Variants in SEC14L1 observed in about 807,000 individuals in gnomAD.
SEC14L1 encodes the protein SEC14 like lipid binding 1.
SEC14L1 carries 48 observed loss-of-function variants against 85.3 expected under a neutral mutation model. The observed-to-expected ratio is 0.56, with a 90% CI of 0.45 to 0.72. SEC14L1 has a LOEUF of 0.72. Ranked by LOEUF, SEC14L1 falls within the 30% of genes least tolerant of loss-of-function variation. The pLI, the probability that SEC14L1 is intolerant of heterozygous loss-of-function variation, is 0.00. For synonymous variants in SEC14L1, 391 were observed against 355.5 expected, an observed-to-expected ratio of 1.10 and a Z score of -1.12; for missense variants, 682 against 921.4, an observed-to-expected ratio of 0.74 and a Z score of 3.36.
intron 3 of SEC14L1, among the ~76,000 whole-genome samples, chr17:77,115,234 G>A (rs959150397): frequency 2.0e-5 from 3 of 152,124 alleles, no homozygotes; most frequent in African/African-American, 7.2e-5. Flanking sequence ...TTCAAGACCA[G>A]CCTAACCAAC....
At chr17:77,156,169 T>G (rs1598313484) in intron 3 of SEC14L1, among the ~76,000 whole-genome samples, 1 of 152,268 alleles carries the variant, frequency 6.6e-6, no homozygotes, top group South Asian at 2.1e-4. Context: ...CTCTGTGCAC[T>G]GGCAGCCGCT....
chr17:77,178,972 C>T lies in SEC14L1; in HGVS notation c.64-11831C>T, dbSNP rs148178394. Among the ~76,000 whole-genome samples, 101 of 152,288 alleles carry T rather than the reference C, an allele frequency of 6.6e-4. 1 individual carries two copies. Among genetic ancestry groups the T allele is most frequent in the African/African-American group, 2.2e-3 (93 of 41,534 alleles). On this transcript the variant is annotated intron_variant, in intron 3 of 16. Coordinates refer to ENST00000436233, the MANE Select transcript of SEC14L1 (RefSeq NM_001143998.2). ...CACAGGCTTAACACCCCAGGTGGCA[C>T]GGATACCTTGAAGAGCCATGCTGTT... is the stretch of plus-strand genomic sequence containing the variant.
chr17:77,190,597 T>C (rs1975478138), intron 3 of SEC14L1, among the ~76,000 whole-genome samples: 1 of 152,206 alleles, frequency 6.6e-6, no homozygotes, highest in East Asian at 1.9e-4. Flanking sequence ...ATGGGGAGAA[T>C]TGAGATCTTT....
chr17:77,213,898 C>G lies in SEC14L1; in HGVS notation c.2043-20C>G. 1 of 1,611,514 alleles carries G rather than the reference C, an allele frequency of 6.2e-7. No individual in the cohort carries two copies. The highest frequency in any genetic ancestry group is 8.5e-7 in the Non-Finnish European group (1 of 1,178,818). On this transcript the variant is annotated intron_variant, in intron 16 of 16. Transcript: ENST00000436233. This position sits in a 1 kb window ranked among gnomAD's most constrained non-coding sequence, Gnocchi z 7.1. ...TGGCAGGGTGGTCCTCACGCCTCGC[C>G]CCTCCCTGTGCCATTACAGAGGTTC...
chr17:77,168,610 A>G (rs771347769), intron 3 of SEC14L1, among the ~76,000 whole-genome samples: 22 of 152,298 alleles, frequency 1.4e-4, no homozygotes, highest in Middle Eastern at 3.4e-3. Context: ...ATATGGAGGT[A>G]AGGCCTTGTA....
chr17:77,089,281 G>C (rs531589223), intron 2 of SEC14L1: 1 of 435,470 alleles, frequency 2.3e-6, no homozygotes, highest in African/African-American at 2.1e-5. Context: ...GGTATGTCAA[G>C]CATGGTGACA....
chr17:77,136,202 TTTC>T (rs978852871), upstream of SEC14L1, among the ~76,000 whole-genome samples: 2 of 150,750 alleles, frequency 1.3e-5, no homozygotes, highest in Non-Finnish European at 2.9e-5. Flanking sequence ...TCTCTTTTGC[TTTC>T]TTTCTTTTTC....
chr17:77,118,536 T>C (rs1167119275), intron 3 of SEC14L1, among the ~76,000 whole-genome samples: 1 of 152,222 alleles, frequency 6.6e-6, no homozygotes, highest in Non-Finnish European at 1.5e-5. Context: ...CCAAGGGCAA[T>C]GGACATGCTT....
intron 3 of SEC14L1, among the ~76,000 whole-genome samples, chr17:77,153,079 AT>A (rs985928881): frequency 1.3e-5 from 2 of 151,428 alleles, no homozygotes; most frequent in Admixed American, 1.3e-4. Context: ...TATTATTATT[AT>A]TTTTTTGAGG....
At position 77,163,443 on chromosome 17, in the gene SEC14L1, C is replaced by CA. The variant is rs1371129879; in HGVS notation, c.63+19788dup. ...AACTTCACTAGTACCAATGAGTTTT[C>CA]AAAACAGTATGTCACCTTTCTTTCT... On this transcript the variant is annotated intron_variant, in intron 3 of 16. Coordinates refer to ENST00000436233, the MANE Select transcript of SEC14L1 (RefSeq NM_001143998.2). Among the ~76,000 whole-genome samples the CA allele has an allele frequency of 2.7e-5, 4 of 149,340 alleles. No individual in the cohort carries two copies. In the East Asian group the frequency reaches 7.9e-4, roughly 30 times the overall value.
chr17:77,101,891 C>T (rs755256940), intron 3 of SEC14L1, among the ~76,000 whole-genome samples: 4 of 152,152 alleles, frequency 2.6e-5, no homozygotes, highest in Admixed American at 1.3e-4. Context: ...AGTCCCGTTG[C>T]GGTCACCATT....
At chr17:77,163,518 G>T (rs1181960894) in intron 3 of SEC14L1, among the ~76,000 whole-genome samples, 1 of 151,664 alleles carries the variant, frequency 6.6e-6, no homozygotes, top group Non-Finnish European at 1.5e-5. Flanking sequence ...TTATACTTTA[G>T]CTATGAAGGC....
At chr17:77,200,445 C>G (rs756212091) in intron 8 of SEC14L1, 39 bp from the exon 9 acceptor site, 1 of 1,579,278 alleles carries the variant, frequency 6.3e-7, no homozygotes, top group East Asian at 2.2e-5. Flanking sequence ...CCCTTCACAA[C>G]TTTTAACATT....
intron 3 of SEC14L1, among the ~76,000 whole-genome samples, chr17:77,182,732 G>A (rs116928468): frequency 0.014 from 2,136 of 152,266 alleles, 40 homozygotes; most frequent in Middle Eastern, 0.02. Flanking sequence ...CTCTTCCGGC[G>A]CAGTGATTTG....
chr17:77,092,836 T>C lies in SEC14L1; in HGVS notation c.-239-408T>C, dbSNP rs1464201693. On this transcript the variant is annotated intron_variant, in intron 2 of 19. Transcript: ENST00000392476. ...GGTGGCACATGCCTGTAATCTCAGC[T>C]ACTCAAGAGGCTGAGGCAGGAGAAT... Among the ~76,000 whole-genome samples, 4 of 150,896 alleles carry C rather than the reference T, an allele frequency of 2.7e-5. No homozygotes were observed. The South Asian group carries it at 6.2e-4, about 24-fold the overall frequency.
chr17:77,178,796 G>A (rs999746642), intron 3 of SEC14L1, among the ~76,000 whole-genome samples: 4 of 152,218 alleles, frequency 2.6e-5, no homozygotes, highest in African/African-American at 7.2e-5. Flanking sequence ...ATGCTGGCAC[G>A]CCGGCAGCGT....
intron 3 of SEC14L1, among the ~76,000 whole-genome samples, chr17:77,158,827 T>A (rs7209500): frequency 7.5e-6 from 1 of 132,688 alleles, no homozygotes; most frequent in South Asian, 2.5e-4. Context: ...TTTTTTTTTT[T>A]TTTTGAGACA....
At chr17:77,203,761 T>G (rs1976306842) in intron 10 of SEC14L1, 103 bp downstream of exon 10, 1 of 813,798 alleles carries the variant, frequency 1.2e-6, no homozygotes, top group African/African-American at 1.7e-5. Flanking sequence ...AAACATGAAT[T>G]GCTTATGTAG....
chr17:77,181,696 G>T (rs921591370), intron 3 of SEC14L1, among the ~76,000 whole-genome samples: 2 of 152,162 alleles, frequency 1.3e-5, no homozygotes, highest in Non-Finnish European at 2.9e-5. Context: ...GGTTACAGGC[G>T]TGAGCCACCC....
Sources: allele counts gnomAD v4.1 joint callset (sites outside exome capture counted in the v4.1 genomes callset), GRCh38; gene constraint gnomAD v4.1.1; non-coding constraint Gnocchi (gnomAD v3.1); transcripts MANE v1.5; gene names NCBI Gene and HGNC (gene_info 2026-07-23, HGNC 2026-07-21).